Variants in STAG1 observed in about 807,000 individuals in gnomAD.
STAG1 encodes STAG1 cohesin complex component, also known as cohesin subunit SA-1.
STAG1 carries 26 observed loss-of-function variants against 170.9 expected under a neutral mutation model. The ratio of observed to expected loss-of-function variants is 0.15; its 90% CI spans 0.11 to 0.21. The LOEUF is 0.21. Ranked by LOEUF, STAG1 falls within the 10% of genes least tolerant of loss-of-function variation. The pLI, the probability that STAG1 is intolerant of heterozygous loss-of-function variation, is 1.00. For synonymous variants in STAG1, 514 were observed against 497.7 expected (o/e 1.03, Z -0.44); for missense variants, 964 against 1,509.5 (o/e 0.64, Z 5.99).
chr3:136,714,938 A>AATATATATATAT (rs71714671), intron 1 of STAG1, among the ~76,000 whole-genome samples: 58 of 95,712 alleles, frequency 6.1e-4, no homozygotes, highest in African/African-American at 1.6e-3. Context: ...ATATATATTA[A>AATATATATATAT]ATATATATAT....
At chr3:136,392,995 GA>G (rs1200756302) in intron 22 of STAG1, among the ~76,000 whole-genome samples, 1 of 151,990 alleles carries the variant, frequency 6.6e-6, no homozygotes, top group African/African-American at 2.4e-5. Context: ...GACCTCTTGA[GA>G]GATTTAAATG....
At position 136,512,096 on chromosome 3, in the gene STAG1, T is replaced by TAAAA. The variant is rs35238532; in HGVS notation, c.676+9113_676+9116dup. 5.6e-4 allele frequency among the ~76,000 whole-genome samples: 38 copies of TAAAA among 68,300 alleles called. 1 individual carries two copies. Among genetic ancestry groups the TAAAA allele is most frequent in the Non-Finnish European group, 7.2e-4 (28 of 38,808 alleles). 44.8% of individuals were successfully genotyped at this position (68,300 alleles called of 152,430 possible). A position where few individuals can be genotyped will look rare whatever the true frequency, so the allele number is the denominator to read the frequency against. On this transcript the variant is annotated intron_variant, in intron 7 of 33. Coordinates refer to ENST00000383202, the MANE Select transcript of STAG1 (RefSeq NM_005862.3). ...ACAGTAAGACCTCTTCTCTACAAAA[T>TAAAA]AAAAAAAAAAAAAAAAAAAAAAAAG...
In STAG1 at chr3:136,630,709, C is replaced by T. The variant is rs138473292; in HGVS notation, c.29+161G>A. Among the ~76,000 whole-genome samples, 575 of 152,192 alleles carry T rather than the reference C, an allele frequency of 3.8e-3. 3 individuals are homozygous for T. The highest frequency in any genetic ancestry group is 6.6e-3 in the Non-Finnish European group (449 of 68,026). On this transcript the variant is annotated intron_variant, in intron 2 of 33. Transcript: ENST00000383202. The stretch of plus-strand genomic sequence containing the variant: ...CAATAGCAAAAGCCATGAATGGATA[C>T]GGTAATTACACACCCTACTACTACT...
intron 6 of STAG1, 75 bp from the exon 7 acceptor site, chr3:136,521,492 C>G: frequency 1.1e-5 from 14 of 1,310,658 alleles, no homozygotes; most frequent in Non-Finnish European, 1.4e-5. Context: ...TTCTTCCTAC[C>G]TACATAGGAA....
chr3:136,738,495 AT>A (rs1359172107), intron 1 of STAG1, among the ~76,000 whole-genome samples: 1 of 152,128 alleles, frequency 6.6e-6, no homozygotes, highest in Admixed American at 6.5e-5. Flanking sequence ...CATATCAAAA[AT>A]AATAACTAGC....
At chr3:136,376,021 T>TAAAATAAAATAAAAC (rs1422991545) in intron 23 of STAG1, among the ~76,000 whole-genome samples, 1 of 144,168 alleles carries the variant, frequency 6.9e-6, no homozygotes, top group Admixed American at 7.0e-5. Context: ...ATTAACAAAA[T>TAAAATAAAATAAAAC]AAAATAAAAT....
chr3:136,738,029 T>C (rs1005308685), intron 1 of STAG1, among the ~76,000 whole-genome samples: 20 of 151,938 alleles, frequency 1.3e-4, no homozygotes, highest in Admixed American at 5.2e-4. Context: ...GATTGTGCCA[T>C]TGCAGTCCAG....
chr3:136,659,940 A>G (rs923793557), intron 1 of STAG1, among the ~76,000 whole-genome samples: 3 of 152,198 alleles, frequency 2.0e-5, no homozygotes, highest in Admixed American at 2.0e-4. Flanking sequence ...GAACTTTGGA[A>G]GGCCAACTCA....
chr3:136,651,501 AAGTT>A (rs1477913521), intron 1 of STAG1, among the ~76,000 whole-genome samples: 10 of 152,144 alleles, frequency 6.6e-5, no homozygotes, highest in Non-Finnish European at 1.3e-4. Context: ...AAATATTAAA[AAGTT>A]AGTAAATATT....
intron 1 of STAG1, among the ~76,000 whole-genome samples, chr3:136,659,633 A>G (rs949204123): frequency 2.0e-5 from 3 of 152,238 alleles, no homozygotes; most frequent in Admixed American, 6.5e-5. Context: ...TAATAAAAGG[A>G]ATGTCTGGTA....
At chr3:136,375,863 G>T (rs980449786) in intron 23 of STAG1, among the ~76,000 whole-genome samples, 2 of 151,620 alleles carry the variant, frequency 1.3e-5, no homozygotes, top group East Asian at 3.9e-4. Flanking sequence ...CCAGATACTT[G>T]GGAGGCTGAG....
At chr3:136,634,770 A>G (rs1330362062) in intron 1 of STAG1, among the ~76,000 whole-genome samples, 1 of 152,170 alleles carries the variant, frequency 6.6e-6, no homozygotes, top group Non-Finnish European at 1.5e-5. Context: ...CAATAAAACC[A>G]CAAGTTTGTT....
chr3:136,402,209 TTTTAA>T (rs757076036), intron 21 of STAG1, among the ~76,000 whole-genome samples: 3 of 151,978 alleles, frequency 2.0e-5, no homozygotes, highest in Non-Finnish European at 4.4e-5. Flanking sequence ...GATTTTATTT[TTTTAA>T]TTTAATTTAA....
intron 13 of STAG1, among the ~76,000 whole-genome samples, chr3:136,461,126 T>C (rs1387924596): frequency 1.3e-5 from 2 of 151,984 alleles, no homozygotes; most frequent in East Asian, 1.9e-4. Flanking sequence ...TTGAAAGAAA[T>C]CAACACCCCT....
chr3:136,368,772 G>T (rs896451108), intron 24 of STAG1, among the ~76,000 whole-genome samples: 1 of 152,182 alleles, frequency 6.6e-6, no homozygotes, highest in Admixed American at 6.6e-5. Flanking sequence ...AGTATTAAAG[G>T]AGGGAGACTT....
chr3:136,434,136 T>C (rs1435573310), intron 15 of STAG1, among the ~76,000 whole-genome samples: 2 of 152,182 alleles, frequency 1.3e-5, no homozygotes, highest in Non-Finnish European at 1.5e-5. Context: ...AATTTCCTGA[T>C]TTTTGACACT....
rs1260005952 is a variant in STAG1, at chr3:136,444,078, C to CT, written c.1429-675dup. Among the ~76,000 whole-genome samples the CT allele has an allele frequency of 7.4e-3, 1,075 of 145,690 alleles. 8 individuals are homozygous for CT. The highest frequency in any genetic ancestry group is 0.01 in the African/African-American group (400 of 39,924). On this transcript the variant is annotated intron_variant, in intron 14 of 33. Coordinates refer to ENST00000383202, the MANE Select transcript of STAG1 (RefSeq NM_005862.3). Reference sequence around the variant, plus strand: ...TCATTAAGCCTTGGAGAATATTATCCTTTTTTTTTTTTTGAGATGGAGTCT... The same window carrying CT: ...TCATTAAGCCTTGGAGAATATTATCCTTTTTTTTTTTTTTGAGATGGAGTCT...
chr3:136,645,843 C>G (rs1268282890), intron 1 of STAG1, among the ~76,000 whole-genome samples: 2 of 152,176 alleles, frequency 1.3e-5, no homozygotes, highest in Non-Finnish European at 2.9e-5. Context: ...TTCTGACCAC[C>G]TACCACTGCT....
rs534551333 is a variant in STAG1, at chr3:136,628,161, A to T, written c.29+2709T>A. Among the ~76,000 whole-genome samples the T allele has an allele frequency of 8.0e-4, 121 of 152,130 alleles. 1 individual carries two copies. Among genetic ancestry groups the T allele is most frequent in the African/African-American group, 2.9e-3 (119 of 41,502 alleles). ...GAGTTCTCACGAGATCTGATGGTTT[A>T]AAGTGTGGTACTTCCTTCCACTCCC... is the stretch of plus-strand genomic sequence containing the variant. On this transcript the variant is annotated intron_variant, in intron 2 of 33. Transcript: ENST00000383202.
Sources: gnomAD v4.1 joint callset for allele counts (sites outside exome capture counted in the v4.1 genomes callset) on GRCh38, gnomAD v4.1.1 for gene constraint, MANE v1.5 for transcripts, NCBI Gene and HGNC (gene_info 2026-07-23, HGNC 2026-07-21) for gene names.